The following FAM107A variants were observed in gnomAD, a reference collection of about 807,000 sequenced individuals.
FAM107A encodes family with sequence similarity 107 member A, also known as actin-associated protein FAM107A.
Under a neutral mutation model 13.7 loss-of-function variants are expected in FAM107A, and 19 were observed. The observed-to-expected ratio is 1.38, with a 90% CI of 0.97 to 2.03. The LOEUF is 2.03. Ranked by LOEUF, FAM107A falls within the 30% of genes most tolerant of loss-of-function variation. FAM107A has a pLI of 0.00. For synonymous variants in FAM107A, 82 were observed against 74.5 expected (o/e 1.10, Z -0.52); for missense variants, 203 against 184.4 (o/e 1.10, Z -0.58).
chr3:58,573,644 G>A (rs1301856061), intron 1 of FAM107A: 1 of 152,732 alleles, frequency 6.5e-6, no homozygotes, highest in African/African-American at 2.4e-5. Flanking sequence ...AATCACGAAG[G>A]AGAAAGGTAA....
upstream of FAM107A, chr3:58,589,211 C>T: frequency 1.3e-6 from 2 of 1,532,954 alleles, no homozygotes; most frequent in Non-Finnish European, 1.7e-6. Flanking sequence ...CTTACCTGAG[C>T]CATTTCGTCT....
intron 1 of FAM107A, among the ~76,000 whole-genome samples, chr3:58,614,166 G>C (rs2065879980): frequency 6.6e-6 from 1 of 152,266 alleles, no homozygotes; most frequent in South Asian, 2.1e-4. Context: ...TTACAGAGAG[G>C]AGGTGTCAGT....
At chr3:58,595,496 C>T (rs2065691703) in intron 1 of FAM107A, among the ~76,000 whole-genome samples, 1 of 152,154 alleles carries the variant, frequency 6.6e-6, no homozygotes, top group African/African-American at 2.4e-5. Flanking sequence ...TATTCCCTTG[C>T]CCTTAAGAAG....
chr3:58,619,601 G>A (rs2065934773), intron 1 of FAM107A, among the ~76,000 whole-genome samples: 1 of 152,128 alleles, frequency 6.6e-6, no homozygotes. Context: ...GGCCTCGTGG[G>A]TCCCCCTTCA....
At chr3:58,599,601 C>A (rs1003235302) in intron 1 of FAM107A, among the ~76,000 whole-genome samples, 15 of 146,048 alleles carry the variant, frequency 1.0e-4, no homozygotes, top group African/African-American at 3.3e-4. Flanking sequence ...TTCCAGGGTG[C>A]TGTTGATGTT....
chr3:58,588,510 C>T (rs979256759), upstream of FAM107A, among the ~76,000 whole-genome samples: 3 of 152,228 alleles, frequency 2.0e-5, no homozygotes, highest in African/African-American at 7.2e-5. Context: ...CAAGGTGACA[C>T]TTGATCTTTG....
chr3:58,586,966 A>G (rs1027022210), exon 1 of FAM107A: 2 of 1,504,712 alleles, frequency 1.3e-6, no homozygotes, highest in South Asian at 1.2e-5. Context: ...CAGAGCCAGC[A>G]CTGCTGGCCC....
chr3:58,582,335 CTG>C (rs2065556888), upstream of FAM107A, among the ~76,000 whole-genome samples: 1 of 152,222 alleles, frequency 6.6e-6, no homozygotes, highest in East Asian at 1.9e-4. Context: ...GAGGCTGCGT[CTG>C]CCCCTCTGGC....
chr3:58,566,681 T>C lies in FAM107A; in HGVS notation c.342A>G (p.Pro114=), dbSNP rs775452474. ...QQRLNQLEKP[P]EKEEDHAPEF... Reference sequence around the variant, plus strand: ...CGGGGGCGTGATCCTCTTCCTTCTCTGGTGGTTTTTCCAGCTGAAGGAGGG... The same window carrying C: ...CGGGGGCGTGATCCTCTTCCTTCTCCGGTGGTTTTTCCAGCTGAAGGAGGG... Residue 114 remains proline (P), a synonymous_variant, in exon 4 of 4, where the codon CCA becomes CCG. Transcript: ENST00000360997. The C allele has an allele frequency of 1.1e-5, 17 of 1,613,520 alleles. No individual in the cohort carries two copies. Among genetic ancestry groups the C allele is most frequent in the Admixed American group, 1.7e-5 (1 of 59,992 alleles).
intron 1 of FAM107A, among the ~76,000 whole-genome samples, chr3:58,572,175 A>G (rs925453393): frequency 3.3e-5 from 5 of 152,186 alleles, no homozygotes; most frequent in African/African-American, 9.7e-5. Flanking sequence ...ATAGTCATGC[A>G]TTCCACACAT....
intron 1 of FAM107A, among the ~76,000 whole-genome samples, chr3:58,595,630 C>T (rs1319785777): frequency 6.6e-6 from 1 of 152,138 alleles, no homozygotes. Flanking sequence ...ATAATCCCAC[C>T]ACCCTTTGCT....
chr3:58,612,227 C>A (rs546376547), intron 1 of FAM107A, among the ~76,000 whole-genome samples: 1 of 152,184 alleles, frequency 6.6e-6, no homozygotes, highest in South Asian at 2.1e-4. Flanking sequence ...ATCCAAAAAT[C>A]AGGGATTGGT....
chr3:58,616,592 T>TCAC (rs1327751517), intron 1 of FAM107A, among the ~76,000 whole-genome samples: 4 of 137,182 alleles, frequency 2.9e-5, no homozygotes, highest in Non-Finnish European at 6.3e-5. Flanking sequence ...ACCACCACCA[T>TCAC]CACCACCACC....
chr3:58,614,302 C>G lies in FAM107A; in HGVS notation c.-70+13114G>C, dbSNP rs571318031. ...CATGAGTGAATTGGCCTGTAATTTACTTTTCTTTCATTGTCCTTGTTTAAT... is the reference window on the plus strand; with the variant it reads ...CATGAGTGAATTGGCCTGTAATTTAGTTTTCTTTCATTGTCCTTGTTTAAT... On this transcript the variant is annotated intron_variant, in intron 1 of 3. Transcript: ENST00000465970. 2.0e-5 allele frequency among the ~76,000 whole-genome samples: 3 copies of G among 152,132 alleles called. No homozygotes were observed. The South Asian group carries it at 6.2e-4, about 32-fold the overall frequency.
chr3:58,580,265 T>C (rs4681868), upstream of FAM107A, among the ~76,000 whole-genome samples: 100,162 of 151,702 alleles, frequency 0.66, 34,780 homozygotes, highest in East Asian at 1. Context: ...TATAAAGAAC[T>C]AGTGTGGAGG....
At position 58,564,753 on chromosome 3, in the gene FAM107A, G is replaced by C. The variant is rs146713486; in HGVS notation, c.*1835C>G. ...TGGGGAAGTGGTGATCTTTATTTTA[G>C]GGATTGTGCATCTTCAGTGTAACCC... On this transcript the variant is annotated 3_prime_UTR_variant, in exon 4 of 4. Coordinates refer to ENST00000360997, the MANE Select transcript of FAM107A (RefSeq NM_001076778.3). This position sits in a 1 kb window ranked among gnomAD's most constrained non-coding sequence, Gnocchi z 5.6. 1.3e-5 allele frequency: 2 copies of C among 152,392 alleles called. No homozygotes were observed. The highest frequency in any genetic ancestry group is 3.9e-4 in the East Asian group (2 of 5,182). 9.4% of individuals were successfully genotyped at this position (152,392 alleles called of 1,614,324 possible). A position where few individuals can be genotyped will look rare whatever the true frequency, so the allele number is the denominator to read the frequency against.
At chr3:58,625,296 G>C (rs2066003121) in intron 1 of FAM107A, among the ~76,000 whole-genome samples, 2 of 152,142 alleles carry the variant, frequency 1.3e-5, no homozygotes. Flanking sequence ...TTCCCTAAGA[G>C]CTAAACAGAA....
At chr3:58,570,273 T>A (rs147952091) in intron 1 of FAM107A, 5 of 469,916 alleles carry the variant, frequency 1.1e-5, no homozygotes, top group Non-Finnish European at 1.4e-5. Context: ...AAGAGTAACA[T>A]GTACTTGTTA....
At position 58,569,878 on chromosome 3, in the gene FAM107A, G is replaced by A. The variant is rs903238971; in HGVS notation, c.-5-13C>T. 20 of 1,612,472 alleles carry A rather than the reference G, an allele frequency of 1.2e-5. No homozygotes were observed. The highest frequency in any genetic ancestry group is 1.7e-5 in the Non-Finnish European group (20 of 1,179,228). On this transcript the variant is annotated splice_polypyrimidine_tract_variant and intron_variant, in intron 1 of 3. Coordinates refer to ENST00000360997, the MANE Select transcript of FAM107A (RefSeq NM_001076778.3). The surrounding 1 kb of genome is among the most constrained non-coding windows in gnomAD (Gnocchi z 5.7). ...GAGTACATGGCGGCTGTAGAGATGG[G>A]CAGAGGAGTAGCTCAGAGCTGAGCC... is the stretch of plus-strand genomic sequence containing the variant.
Sources: allele counts gnomAD v4.1 joint callset (sites outside exome capture counted in the v4.1 genomes callset), GRCh38; gene constraint gnomAD v4.1.1; non-coding constraint Gnocchi (gnomAD v3.1); transcripts MANE v1.5; gene names NCBI Gene and HGNC (gene_info 2026-07-23, HGNC 2026-07-21).